Variants in ZNF335 observed in about 807,000 individuals in gnomAD.
ZNF335 encodes zinc finger protein 335.
A neutral mutation model predicts 145.6 loss-of-function variants in ZNF335; 84 were observed. The ratio of observed to expected loss-of-function variants is 0.58; its 90% CI spans 0.48 to 0.69. ZNF335 has a LOEUF of 0.69. ZNF335 is among the 30% of genes least tolerant of loss of function. ZNF335 has a pLI of 0.00. For missense variants in ZNF335, 1,865 were observed against 1,809.7 expected, an observed-to-expected ratio of 1.03 and a Z score of -0.55; for synonymous variants, 761 against 717.0, an observed-to-expected ratio of 1.06 and a Z score of -0.98.
chr20:45,952,101 T>C (rs1335887268), intron 20 of ZNF335, 46 bp downstream of exon 20: 3 of 1,541,318 alleles, frequency 1.9e-6, no homozygotes, highest in African/African-American at 1.4e-5. Flanking sequence ...TACAAACGAG[T>C]AGCCCAATGA....
Position 45,959,293 on chromosome 20 carries a change from G to A in ZNF335, c.2161C>T (p.Arg721Cys), listed in dbSNP as rs142295696. 33 of 1,560,056 alleles carry A rather than the reference G, an allele frequency of 2.1e-5. No individual in the cohort carries two copies. Among genetic ancestry groups the A allele is most frequent in the Middle Eastern group, 1.7e-4 (1 of 5,872 alleles). Residue 721 changes from arginine to cysteine, a missense_variant, in exon 15 of 28, where the codon CGC becomes TGC. Coordinates refer to ENST00000322927, the MANE Select transcript of ZNF335 (RefSeq NM_022095.4). ...ATCTGCTGCAGAGAGAAGAAGGGGC[G>A]ACGGCGGGAGGGGGGCTCCTCAGGG... ...RHPEEPPSRR[R>C]PFFSLQQIEE... is the part of the protein sequence containing the mutation.
Position 45,953,836 on chromosome 20 carries a change from C to T in ZNF335, c.2555G>A (p.Gly852Glu), listed in dbSNP as rs1407615126. ...CTGGCTCTCGGCTGCTGCACCGCCC[C>T]CTGGCTCTGCCACGTGGAGGGTGAC... is the stretch of plus-strand genomic sequence containing the variant. ...QVVTLHVAEP[G>E]GGAAAESQLG... Residue 852 changes from glycine to glutamate, a missense_variant, in exon 18 of 28, where the codon GGG becomes GAG. Physicochemically the swap from Gly to Glu is moderately conservative, Grantham distance 98. Transcript: ENST00000322927. The T allele has an allele frequency of 6.2e-7, 1 of 1,613,908 alleles. No individual in the cohort carries two copies. Among genetic ancestry groups the T allele is most frequent in the Admixed American group, 1.7e-5 (1 of 60,000 alleles).
In ZNF335 at chr20:45,957,860, G is replaced by C; in HGVS notation, c.2322C>G (p.Gly774=). The C allele has an allele frequency of 6.2e-7, 1 of 1,613,732 alleles. No individual in the cohort carries two copies. The highest frequency in any genetic ancestry group is 8.5e-7 in the Non-Finnish European group (1 of 1,179,956). Residue 774 remains glycine (G), a synonymous_variant, in exon 16 of 28, where the codon GGC becomes GGG. Transcript: ENST00000322927. ...CTTGCTGGTAGATGATGGTGGCGCC[G>C]CCCAGGGTGTCAGAACAGAGCAATG... ...APSLLCSDTL[G]GATIIYQQGA... is the part of the protein sequence containing the mutation.
At chr20:45,949,118 C>T (rs1382498471) in intron 27 of ZNF335, 38 bp from the exon 28 acceptor site, 6 of 1,613,432 alleles carry the variant, frequency 3.7e-6, no homozygotes, top group Middle Eastern at 1.6e-4. Context: ...GCTGGAGGCT[C>T]AAGAGCTGGG....
At chr20:45,952,040 AGAG>A (rs1187895623) in intron 20 of ZNF335, 104 bp downstream of exon 20, 12 of 1,438,520 alleles carry the variant, frequency 8.3e-6, no homozygotes, top group Admixed American at 8.0e-5. Flanking sequence ...TCATCCACTC[AGAG>A]GAGAGCAGAG....
chr20:45,960,466 C>G lies in ZNF335; in HGVS notation c.1842G>C (p.Gln614His). ...GGATGTACCTGCGGTTGGCAACAGCCTGGATGTGCGTGAGCAGGTGCATTT... is the reference window on the plus strand; with the variant it reads ...GGATGTACCTGCGGTTGGCAACAGCGTGGATGTGCGTGAGCAGGTGCATTT... The part of the protein sequence containing the change: ...TFKMHLLTHI[Q>H]AVANRRFKCE... The change falls in exon 13 of 28, where the codon CAG (glutamine) becomes CAC (histidine). Residue 614 changes from glutamine to histidine, a missense_variant. By Grantham distance (24) the Gln-to-His change is conservative (BLOSUM62 0). Transcript: ENST00000322927. The G allele has an allele frequency of 6.2e-7, 1 of 1,614,206 alleles. No individual in the cohort carries two copies. Among genetic ancestry groups the G allele is most frequent in the South Asian group, 1.1e-5 (1 of 91,086 alleles).
chr20:45,969,634 C>A lies in ZNF335; in HGVS notation c.259G>T (p.Asp87Tyr). ...GGCCCATGAGACACAGACGATGAAT[C>A]AGGGAGGTAGCTATTAGGCAGGGGG... is the stretch of plus-strand genomic sequence containing the variant. ...ADPLPNSYLPDSSSVSHGPVA... is the reference protein window; with the variant it reads ...ADPLPNSYLPYSSSVSHGPVA... The change falls in exon 3 of 28, where the codon GAT becomes TAT. Residue 87 changes from aspartate to tyrosine, a missense_variant. Physicochemically the swap from Asp to Tyr is radical, Grantham distance 160. Transcript: ENST00000322927. The A allele has an allele frequency of 6.2e-7, 1 of 1,611,320 alleles. No homozygotes were observed. Among genetic ancestry groups the A allele is most frequent in the Non-Finnish European group, 8.5e-7 (1 of 1,178,260 alleles).
At chr20:45,971,710 C>G (rs189608957) in intron 1 of ZNF335, 2 of 985,494 alleles carry the variant, frequency 2.0e-6, no homozygotes, top group African/African-American at 3.5e-5. Flanking sequence ...CCCTCGCCCC[C>G]ACGATTCTCG....
In ZNF335 at chr20:45,963,851, A is replaced by T; in HGVS notation, c.1242T>A (p.Gly414=). 1 of 1,612,442 alleles carries T rather than the reference A, an allele frequency of 6.2e-7. No homozygotes were observed. The highest frequency in any genetic ancestry group is 1.1e-5 in the South Asian group (1 of 90,868). ...CGTTCTCTGCATCTGACTGGCTCACACCAGCTTCCACAGGGGTCCTGCTCA... is the reference window on the plus strand; with the variant it reads ...CGTTCTCTGCATCTGACTGGCTCACTCCAGCTTCCACAGGGGTCCTGCTCA... The part of the protein sequence containing the change: ...GKVSRTPVEA[G]VSQSDAENAA... The change falls in exon 8 of 28, where the codon GGT becomes GGA. Residue 414 remains glycine (G), a synonymous_variant. Coordinates refer to ENST00000322927, the MANE Select transcript of ZNF335 (RefSeq NM_022095.4).
chr20:45,970,520 G>A (rs1456871837), intron 2 of ZNF335, among the ~76,000 whole-genome samples: 1 of 152,148 alleles, frequency 6.6e-6, no homozygotes, highest in Non-Finnish European at 1.5e-5. Flanking sequence ...CCACTTTACA[G>A]ACGAGGAAAC....
chr20:45,966,823 G>A lies in ZNF335; in HGVS notation c.955+671C>T, dbSNP rs560533196. ...CCGCCTCAGCCTCCCAAAGTGCTGG[G>A]ATTACAGGAGTGAGCCACCATGCCC... On this transcript the variant is annotated intron_variant, in intron 6 of 27. Coordinates refer to ENST00000322927, the MANE Select transcript of ZNF335 (RefSeq NM_022095.4). 357 of 151,042 alleles carry A rather than the reference G, an allele frequency of 2.4e-3. 2 individuals carry two copies. The highest frequency in any genetic ancestry group is 4.0e-3 in the Non-Finnish European group (276 of 68,212). 9.4% of individuals were successfully genotyped at this position (151,042 alleles called of 1,614,324 possible). A position where few individuals can be genotyped will look rare whatever the true frequency, so the allele number is the denominator to read the frequency against.
chr20:45,953,492 G>A (rs1039354262), intron 18 of ZNF335, among the ~76,000 whole-genome samples, 197 bp downstream of exon 18: 1 of 152,250 alleles, frequency 6.6e-6, no homozygotes, highest in Non-Finnish European at 1.5e-5. Context: ...CATCATGAGT[G>A]CCAAGTGCTT....
chr20:45,949,190 G>A lies in ZNF335; in HGVS notation c.3881C>T (p.Ala1294Val), dbSNP rs781439688. The change falls in exon 27 of 28, where the codon GCA becomes GTA. Residue 1294 changes from alanine to valine, a missense_variant. Coordinates refer to ENST00000322927, the MANE Select transcript of ZNF335 (RefSeq NM_022095.4). ...CATACCTGTGACAGCTGAGTGTGCTGCAGCCTCAAGTTGAGCCTGTGTGAC... is the reference window on the plus strand; with the variant it reads ...CATACCTGTGACAGCTGAGTGTGCTACAGCCTCAAGTTGAGCCTGTGTGAC... Reference protein sequence around the residue: ...QLVTQAQLEAAAHSAVTAVAD... With the variant: ...QLVTQAQLEAVAHSAVTAVAD... 12 of 1,613,786 alleles carry A rather than the reference G, an allele frequency of 7.4e-6. No homozygotes were observed. Among genetic ancestry groups the A allele is most frequent in the South Asian group, 1.1e-5 (1 of 91,058 alleles).
intron 10 of ZNF335, 57 bp from the exon 11 acceptor site, chr20:45,960,939 C>T: frequency 3.1e-6 from 5 of 1,606,714 alleles, no homozygotes; most frequent in Admixed American, 1.7e-5. Flanking sequence ...ACTCTAGACC[C>T]TCTCACACTG....
At chr20:45,962,843 C>T (rs1225493269) in intron 9 of ZNF335, among the ~76,000 whole-genome samples, 3 of 122,702 alleles carry the variant, frequency 2.4e-5, no homozygotes, top group African/African-American at 6.7e-5. Flanking sequence ...GACAGAGTTT[C>T]GCTCTTGTTG....
Position 45,967,821 on chromosome 20 carries a change from G to C in ZNF335, c.727C>G (p.Gln243Glu), listed in dbSNP as rs1490014384. The change falls in exon 5 of 28, where the codon CAG becomes GAG. Residue 243 changes from glutamine (Q) to glutamate (E), a missense_variant. By Grantham distance (29) the Gln-to-Glu change is conservative. Coordinates refer to ENST00000322927, the MANE Select transcript of ZNF335 (RefSeq NM_022095.4). ...TGGCACATCTTGCATTTGAACTGCT[G>C]CACCACCACCACCTCCATCATGGCC... ...LEAMMEVVVV[Q>E]QFKCKMCQYR... is the part of the protein sequence containing the mutation. The C allele has an allele frequency of 1.2e-6, 2 of 1,613,376 alleles. No homozygotes were observed. Among genetic ancestry groups the C allele is most frequent in the African/African-American group, 2.7e-5 (2 of 74,920 alleles).
intron 17 of ZNF335, among the ~76,000 whole-genome samples, chr20:45,954,928 C>T (rs529061286): frequency 3.9e-5 from 6 of 152,008 alleles, no homozygotes; most frequent in South Asian, 2.1e-4. Context: ...TTGCCACACC[C>T]GGCTAATTTT....
intron 2 of ZNF335, among the ~76,000 whole-genome samples, chr20:45,970,649 C>T (rs999385674): frequency 9.2e-5 from 14 of 152,062 alleles, no homozygotes; most frequent in South Asian, 4.1e-4. Flanking sequence ...CAATCAAGCA[C>T]CCTTGAAAGC....
At chr20:45,958,032 G>T in intron 15 of ZNF335, 104 bp from the exon 16 acceptor site, 4 of 873,114 alleles carry the variant, frequency 4.6e-6, no homozygotes, top group Non-Finnish European at 7.4e-6. Flanking sequence ...CTGTTGGCTT[G>T]TTTCATCTTC....
Sources: gnomAD v4.1 joint callset for allele counts (sites outside exome capture counted in the v4.1 genomes callset) on GRCh38, gnomAD v4.1.1 for gene constraint, MANE v1.5 for transcripts, NCBI Gene and HGNC (gene_info 2026-07-23, HGNC 2026-07-21) for gene names.